The following PANK3 variants were observed in gnomAD, a reference collection of about 807,000 sequenced individuals.
PANK3 encodes pantothenate kinase 3, also known as hPanK3.
A neutral mutation model predicts 39.4 loss-of-function variants in PANK3; 20 were observed. The observed-to-expected ratio is 0.51, with a 90% CI of 0.36 to 0.74. The LOEUF (loss-of-function observed/expected upper bound fraction) is 0.74. PANK3 is among the 30% of genes least tolerant of loss of function. The pLI is 0.00. For missense variants in PANK3, 265 were observed against 437.0 expected, an observed-to-expected ratio of 0.61 and a Z score of 3.51; for synonymous variants, 140 against 157.3, an observed-to-expected ratio of 0.89 and a Z score of 0.82.
Position 168,553,279 on chromosome 5 carries a change from GGC to G in PANK3, c.*4290_*4291del. 1 of 530,946 alleles carries G rather than the reference GGC, an allele frequency of 1.9e-6. No individual in the cohort carries two copies. Among genetic ancestry groups the G allele is most frequent in the Admixed American group, 2.1e-5 (1 of 48,700 alleles). The allele number at this position is 530,946 out of a possible 1,614,324, so 32.9% of individuals were successfully genotyped here. ...ACTAAAGGTACCCCAAAGGGGAGTA[GGC>G]GAGATCTCTCCAATGTACATGGGCA... On this transcript the variant is annotated 3_prime_UTR_variant, in exon 7 of 7. Transcript: ENST00000239231.
intron 1 of PANK3, 104 bp downstream of exon 1, chr5:168,579,152 C>A: frequency 9.2e-7 from 1 of 1,087,846 alleles, no homozygotes; most frequent in Non-Finnish European, 1.3e-6. Flanking sequence ...GACGAAGCGC[C>A]GGCGAGGAGC....
chr5:168,569,333 CA>C (rs1419862954), intron 1 of PANK3, among the ~76,000 whole-genome samples: 1 of 150,800 alleles, frequency 6.6e-6, no homozygotes, highest in Non-Finnish European at 1.5e-5. Flanking sequence ...TACAGGTGCC[CA>C]CCACCACGCC....
chr5:168,562,249 C>T (rs956366847), intron 4 of PANK3, among the ~76,000 whole-genome samples: 3 of 151,620 alleles, frequency 2.0e-5, no homozygotes, highest in African/African-American at 7.3e-5. Flanking sequence ...CTTGGAAATA[C>T]AAACAAAAAA....
chr5:168,579,085 T>G (rs1759785482), intron 1 of PANK3, among the ~76,000 whole-genome samples, 171 bp downstream of exon 1: 1 of 151,982 alleles, frequency 6.6e-6, no homozygotes, highest in Non-Finnish European at 1.5e-5. Context: ...AATAGGGGGA[T>G]GGGGAGGACG....
At chr5:168,566,350 A>G in intron 2 of PANK3, 84 bp from the exon 3 acceptor site, 1 of 1,426,044 alleles carries the variant, frequency 7.0e-7, no homozygotes, top group Non-Finnish European at 9.4e-7. Context: ...ACTTTACAAA[A>G]ATTAAAAATG....
rs1298553327 is a variant in PANK3 at position 168,551,724 on chromosome 5, G to A, written c.*5847C>T. Reference sequence around the variant, plus strand: ...TCTGCTTATAGAAACAGTCTTTAAGGGACTGGTATTTACATTATAGCAATC... The same window carrying A: ...TCTGCTTATAGAAACAGTCTTTAAGAGACTGGTATTTACATTATAGCAATC... On this transcript the variant is annotated 3_prime_UTR_variant, in exon 7 of 7. Coordinates refer to ENST00000239231, the MANE Select transcript of PANK3 (RefSeq NM_024594.4). 1.3e-5 allele frequency: 2 copies of A among 151,910 alleles called. No homozygotes were observed. The highest frequency in any genetic ancestry group is 6.6e-5 in the Admixed American group (1 of 15,238). The allele number at this position is 151,910 out of a possible 1,614,324, so 9.4% of individuals were successfully genotyped here.
chr5:168,552,556 A>G lies in PANK3; in HGVS notation c.*5015T>C. ...GGAGCAACCAGCCACTGCTATTGCA[A>G]ACTGAAGAGTGTGGCCACAGTATTC... On this transcript the variant is annotated 3_prime_UTR_variant, in exon 7 of 7. Transcript: ENST00000239231. 5.0e-6 allele frequency: 1 copy of G among 201,962 alleles called. No individual in the cohort carries two copies. Among genetic ancestry groups the G allele is most frequent in the South Asian group, 1.2e-4 (1 of 8,410 alleles). 12.5% of individuals were successfully genotyped at this position (201,962 alleles called of 1,614,324 possible).
chr5:168,573,565 C>T (rs1759682675), intron 1 of PANK3, among the ~76,000 whole-genome samples: 1 of 151,276 alleles, frequency 6.6e-6, no homozygotes, highest in South Asian at 2.1e-4. Flanking sequence ...TACATGTGCA[C>T]AATGTGCAGG....
chr5:168,578,038 A>T (rs982929064), intron 1 of PANK3, among the ~76,000 whole-genome samples: 1 of 152,222 alleles, frequency 6.6e-6, no homozygotes, highest in Non-Finnish European at 1.5e-5. Context: ...TTTTTTAAAA[A>T]TTTTAATTAA....
chr5:168,563,085 A>G (rs768497346), intron 4 of PANK3, among the ~76,000 whole-genome samples: 1 of 152,190 alleles, frequency 6.6e-6, no homozygotes, highest in African/African-American at 2.4e-5. Context: ...GATAAACTAT[A>G]AGTAAATCAA....
intron 1 of PANK3, among the ~76,000 whole-genome samples, 158 bp from the exon 2 acceptor site, chr5:168,569,156 G>A (rs1343801975): frequency 6.8e-6 from 1 of 147,788 alleles, no homozygotes; most frequent in Non-Finnish European, 1.5e-5. Flanking sequence ...TGTTCCATGT[G>A]GAACTTACCT....
In PANK3 at chr5:168,560,982, TC is replaced by T. The variant is rs772888944; in HGVS notation, c.936+410del. 1.5e-4 allele frequency: 74 copies of T among 498,500 alleles called. 3 individuals carry two copies. Among genetic ancestry groups the T allele is most frequent in the South Asian group, 7.8e-4 (52 of 67,034 alleles). The allele number at this position is 498,500 out of a possible 1,614,324, so 30.9% of individuals were successfully genotyped here. On this transcript the variant is annotated intron_variant, in intron 5 of 6. Transcript: ENST00000239231. Reference sequence around the variant, plus strand: ...AGAAGCCGAGGGCAGTAAGAAAACTTCCAAGAATTTCACTAATCAAATGCAA... The same window carrying T: ...AGAAGCCGAGGGCAGTAAGAAAACTTCAAGAATTTCACTAATCAAATGCAA...
At position 168,553,108 on chromosome 5, in the gene PANK3, CA is replaced by C; in HGVS notation, c.*4462del. 2.3e-6 allele frequency: 1 copy of C among 431,170 alleles called. No individual in the cohort carries two copies. Among genetic ancestry groups the C allele is most frequent in the Non-Finnish European group, 4.6e-6 (1 of 218,670 alleles). 26.7% of individuals were successfully genotyped at this position (431,170 alleles called of 1,614,324 possible). ...GAGCAAAAACTTACGACTTCCAGGG[CA>C]AAATGGAAGGGCTACACTTTATAGG... is the stretch of plus-strand genomic sequence containing the variant. On this transcript the variant is annotated 3_prime_UTR_variant, in exon 7 of 7. Transcript: ENST00000239231.
intron 6 of PANK3, 65 bp downstream of exon 6, chr5:168,558,967 G>T: frequency 1.3e-6 from 2 of 1,510,222 alleles, no homozygotes; most frequent in East Asian, 2.3e-5. Context: ...CTGAGTGACA[G>T]AGCAAGACCC....
chr5:168,572,148 C>T (rs1294053922), intron 1 of PANK3, among the ~76,000 whole-genome samples: 1 of 123,848 alleles, frequency 8.1e-6, no homozygotes, highest in South Asian at 2.7e-4. Context: ...GAGTCTTGCT[C>T]TGTGGCCCAG....
Position 168,548,965 on chromosome 5 carries a change from G to GT in PANK3, c.*8605dup, listed in dbSNP as rs1246050069. ...GGCAACTGAAACTGAAATGGCATGT[G>GT]TAAGTAAAATTAATCCCCAAATTAA... On this transcript the variant is annotated 3_prime_UTR_variant, in exon 7 of 7. Transcript: ENST00000239231. 1 of 152,172 alleles carries GT rather than the reference G, an allele frequency of 6.6e-6. No homozygotes were observed. The highest frequency in any genetic ancestry group is 1.5e-5 in the Non-Finnish European group (1 of 68,024). 9.4% of individuals were successfully genotyped at this position (152,172 alleles called of 1,614,324 possible). A position where few individuals can be genotyped will look rare whatever the true frequency, so the allele number is the denominator to read the frequency against.
At chr5:168,558,924 C>A in intron 6 of PANK3, 108 bp downstream of exon 6, 1 of 1,056,878 alleles carries the variant, frequency 9.5e-7, no homozygotes, top group South Asian at 1.9e-5. Flanking sequence ...GAAGAGGCTG[C>A]AGTAAGCCAT....
At position 168,568,497 on chromosome 5, in the gene PANK3, C is replaced by T. The variant is rs557397470; in HGVS notation, c.381+149G>A. 1.3e-4 allele frequency: 85 copies of T among 639,310 alleles called. 1 individual carries two copies. In the East Asian group the frequency reaches 1.6e-3, roughly 12 times the overall value. 39.6% of individuals were successfully genotyped at this position (639,310 alleles called of 1,614,324 possible). On this transcript the variant is annotated intron_variant, in intron 2 of 6. Coordinates refer to ENST00000239231, the MANE Select transcript of PANK3 (RefSeq NM_024594.4). Reference sequence around the variant, plus strand: ...GGGCAATTTTTACTCATCTCATAAACGTGTTTAAAACGCCCCAAGTGAAAG... The same window carrying T: ...GGGCAATTTTTACTCATCTCATAAATGTGTTTAAAACGCCCCAAGTGAAAG...
At chr5:168,569,386 G>T (rs1475655191) in intron 1 of PANK3, among the ~76,000 whole-genome samples, 1 of 151,218 alleles carries the variant, frequency 6.6e-6, no homozygotes, top group Non-Finnish European at 1.5e-5. Flanking sequence ...TAGAGACGGG[G>T]TTTCACCGTG....
Sources: allele counts gnomAD v4.1 joint callset (sites outside exome capture counted in the v4.1 genomes callset), GRCh38; gene constraint gnomAD v4.1.1; transcripts MANE v1.5; gene names NCBI Gene and HGNC (gene_info 2026-07-23, HGNC 2026-07-21).